Variants in MSI2 observed in about 807,000 individuals in gnomAD.
MSI2 encodes musashi RNA binding protein 2, also known as RNA-binding protein Musashi homolog 2.
In MSI2, 17 loss-of-function variants were observed where a neutral mutation model predicts 45.6. The ratio of observed to expected loss-of-function variants is 0.37; its 90% CI spans 0.26 to 0.56. The LOEUF is 0.56. MSI2 is among the 20% of genes least tolerant of loss of function. The probability of loss-of-function intolerance (pLI) is 0.77; values close to 1 mark genes in which losing one functional copy is unlikely to be tolerated. For missense variants in MSI2, 293 were observed against 444.2 expected (o/e 0.66, Z 3.06); for synonymous variants, 156 against 158.2 (o/e 0.99, Z 0.11).
chr17:57,284,816 C>G (rs918094681), intron 5 of MSI2, among the ~76,000 whole-genome samples: 8 of 152,026 alleles, frequency 5.3e-5, no homozygotes, highest in Admixed American at 3.3e-4. Context: ...CTGGATCAAC[C>G]TCAGCCTCAT....
chr17:57,332,914 A>G (rs1490375075), intron 5 of MSI2, among the ~76,000 whole-genome samples: 1 of 152,056 alleles, frequency 6.6e-6, no homozygotes, highest in African/African-American at 2.4e-5. Flanking sequence ...AGTCCCAGCT[A>G]CTCGGGAGGC....
intron 5 of MSI2, among the ~76,000 whole-genome samples, chr17:57,380,407 C>T (rs543560045): frequency 1.3e-5 from 2 of 152,132 alleles, no homozygotes; most frequent in Non-Finnish European, 2.9e-5. Context: ...TTCTAAGCGG[C>T]GGCTTCTGAG....
intron 7 of MSI2, among the ~76,000 whole-genome samples, chr17:57,545,828 G>A (rs946856080): frequency 4.6e-5 from 7 of 152,134 alleles, no homozygotes; most frequent in African/African-American, 1.7e-4. Flanking sequence ...AGAAGGGGGT[G>A]TATAATGATG....
In MSI2 at chr17:57,309,019, A is replaced by G. The variant is rs560926493; in HGVS notation, c.312+46827A>G. 7.2e-5 allele frequency among the ~76,000 whole-genome samples: 11 copies of G among 152,304 alleles called. No homozygotes were observed. The East Asian group carries it at 1.9e-3, about 27-fold the overall frequency. On this transcript the variant is annotated intron_variant, in intron 5 of 13. Transcript: ENST00000284073. ...GAGGGCTGCCTGTATTTTCATCAGC[A>G]TGAGGGGATATCACCTCCTCAGCTA...
chr17:57,698,846 G>C, the MSI2 span, among the ~76,000 whole-genome samples: 9 of 150,882 alleles, frequency 6.0e-5, no homozygotes, highest in East Asian at 1.8e-3. Flanking sequence ...AGAGGCAATT[G>C]TTCTCTTCAG....
At chr17:57,358,233 G>A (rs1916584482) in intron 5 of MSI2, among the ~76,000 whole-genome samples, 2 of 150,006 alleles carry the variant, frequency 1.3e-5, no homozygotes, top group Non-Finnish European at 3.0e-5. Flanking sequence ...GTGTGTTTAT[G>A]GACAGCATTT....
At chr17:57,541,928 C>A (rs527584446) in intron 7 of MSI2, among the ~76,000 whole-genome samples, 1 of 152,066 alleles carries the variant, frequency 6.6e-6, no homozygotes, top group Non-Finnish European at 1.5e-5. Flanking sequence ...GTTCTAGCAC[C>A]CTAGGCAAAG....
rs386386327 is a variant in MSI2 at position 57,295,992 on chromosome 17, C to CTTTTTTTTTTTT, written c.312+33823_312+33834dup. On this transcript the variant is annotated intron_variant, in intron 5 of 13. Transcript: ENST00000284073. ...TGAGTTACCAGTTCACGCAGCCTTC[C>CTTTTTTTTTTTT]TTTTTTTTTTTTTTTTTTTTTTTTT... Among the ~76,000 whole-genome samples, 5 of 38,656 alleles carry CTTTTTTTTTTTT rather than the reference C, an allele frequency of 1.3e-4. 1 individual carries two copies. Among genetic ancestry groups the CTTTTTTTTTTTT allele is most frequent in the Admixed American group, 5.2e-4 (1 of 1,938 alleles). The allele number at this position is 38,656 out of a possible 152,430, so 25.4% of individuals were successfully genotyped here.
At chr17:57,566,819 G>T (rs185094043) in intron 7 of MSI2, among the ~76,000 whole-genome samples, 334 of 152,240 alleles carry the variant, frequency 2.2e-3, no homozygotes, top group Non-Finnish European at 3.3e-3. Flanking sequence ...GTGTTCAGAG[G>T]CGCACCAAGG....
chr17:57,257,651 A>T (rs1167748348), intron 3 of MSI2, 104 bp downstream of exon 3: 2 of 801,274 alleles, frequency 2.5e-6, no homozygotes, highest in African/African-American at 1.7e-5. Context: ...AATGGGGCTC[A>T]GGCGCGTGGC....
At chr17:57,423,357 TAAA>T (rs2084431680) in intron 6 of MSI2, among the ~76,000 whole-genome samples, 1 of 152,234 alleles carries the variant, frequency 6.6e-6, no homozygotes, top group African/African-American at 2.4e-5. Context: ...GACAGAAATG[TAAA>T]GACCTGCTAA....
intron 5 of MSI2, chr17:57,285,731 C>T (rs1909814323): frequency 1.2e-6 from 1 of 801,622 alleles, no homozygotes; most frequent in African/African-American, 1.8e-5. Flanking sequence ...AGTAGGTATT[C>T]CTGAGAATTT....
chr17:57,587,832 G>A (rs972603465), intron 7 of MSI2, among the ~76,000 whole-genome samples: 3 of 152,178 alleles, frequency 2.0e-5, no homozygotes, highest in African/African-American at 7.2e-5. Flanking sequence ...GAGATGGAAT[G>A]GGGCTCGTTT....
downstream of MSI2, among the ~76,000 whole-genome samples, chr17:57,685,094 A>T (rs998818214): frequency 2.0e-5 from 3 of 151,944 alleles, no homozygotes; most frequent in Admixed American, 6.6e-5. Flanking sequence ...GCATTCCACG[A>T]CCCCTGAGTA....
At chr17:57,457,712 T>C (rs1337505018) in intron 6 of MSI2, among the ~76,000 whole-genome samples, 1 of 151,658 alleles carries the variant, frequency 6.6e-6, no homozygotes. Flanking sequence ...CTGGGCAACA[T>C]AGCAAAACTC....
intron 6 of MSI2, among the ~76,000 whole-genome samples, chr17:57,441,875 T>A (rs996771650): frequency 6.6e-6 from 1 of 152,178 alleles, no homozygotes; most frequent in Non-Finnish European, 1.5e-5. Context: ...TTTCTTTCAT[T>A]ATTATTTCAC....
Position 57,492,998 on chromosome 17 carries a change from G to A in MSI2, c.406-36678G>A, listed in dbSNP as rs1434129333. ...ATTCGTTAAAACAGAGTGAGCCAGC[G>A]TAGGATGGGGTAGGGAAATGAAGCC... On this transcript the variant is annotated intron_variant, in intron 6 of 13. Coordinates refer to ENST00000284073, the MANE Select transcript of MSI2 (RefSeq NM_138962.4). Among the ~76,000 whole-genome samples, 5 of 152,314 alleles carry A rather than the reference G, an allele frequency of 3.3e-5. No individual in the cohort carries two copies. In the South Asian group the frequency reaches 6.2e-4, roughly 19 times the overall value.
chr17:57,599,667 TG>T (rs1905646516), intron 8 of MSI2, among the ~76,000 whole-genome samples: 1 of 152,068 alleles, frequency 6.6e-6, no homozygotes, highest in Admixed American at 6.5e-5. Context: ...GAGGAAGAAG[TG>T]GGGGCAGATT....
chr17:57,337,587 G>A (rs376030888), intron 5 of MSI2, among the ~76,000 whole-genome samples: 21 of 152,224 alleles, frequency 1.4e-4, no homozygotes, highest in South Asian at 1.0e-3. Context: ...TGTCCCTGTC[G>A]TGTTTACCAC....
Sources: gnomAD v4.1 joint callset for allele counts (sites outside exome capture counted in the v4.1 genomes callset) on GRCh38, gnomAD v4.1.1 for gene constraint, MANE v1.5 for transcripts, NCBI Gene and HGNC (gene_info 2026-07-23, HGNC 2026-07-21) for gene names.